The following PLCG2 variants were observed in gnomAD, a reference collection of about 807,000 sequenced individuals.
The protein encoded by PLCG2 is phospholipase C gamma 2, also known as 1-phosphatidylinositol 4,5-bisphosphate phosphodiesterase gamma-2.
In PLCG2, 69 loss-of-function variants were observed where a neutral mutation model predicts 175.6. The ratio of observed to expected loss-of-function variants is 0.39; its 90% confidence interval spans 0.32 to 0.48. The LOEUF (loss-of-function observed/expected upper bound fraction) is 0.48, where lower values mean the gene tolerates loss of function less well. Ranked by LOEUF, PLCG2 falls within the 20% of genes least tolerant of loss-of-function variation. The pLI is 0.91. For synonymous variants in PLCG2, 827 were observed against 624.0 expected, an observed-to-expected ratio of 1.33 and a Z score of -4.85; for missense variants, 1,798 against 1,650.9, an observed-to-expected ratio of 1.09 and a Z score of -1.54.
At chr16:81,935,873 C>A in intron 26 of PLCG2, 1 of 985,174 alleles carries the variant, frequency 1.0e-6, no homozygotes, top group Non-Finnish European at 1.2e-6. Context: ...ATAACTGTAC[C>A]ACTTTTGTGT....
chr16:81,921,391 A>ATT (rs748353318), intron 21 of PLCG2, 122 bp downstream of exon 21: 886 of 616,208 alleles, frequency 1.4e-3, no homozygotes, highest in East Asian at 2.8e-3. Flanking sequence ...GGCCAAAATA[A>ATT]TTTTTTTTTT....
chr16:81,850,852 T>A lies in PLCG2; in HGVS notation c.194-3592T>A, dbSNP rs1411785141. Among the ~76,000 whole-genome samples the A allele has an allele frequency of 4.6e-5, 7 of 152,206 alleles. No individual in the cohort carries two copies. In the East Asian group the frequency reaches 1.3e-3, roughly 29 times the overall value. ...GGTGGAGGACTGGTCATTCTTCAGA[T>A]CTCCTGCACATGCGGGCAATAGGGT... On this transcript the variant is annotated intron_variant, in intron 2 of 32. Coordinates refer to ENST00000564138, the MANE Select transcript of PLCG2 (RefSeq NM_002661.5).
intron 2 of PLCG2, among the ~76,000 whole-genome samples, chr16:81,846,256 C>T (rs1215859481): frequency 6.6e-6 from 1 of 152,132 alleles, no homozygotes; most frequent in Non-Finnish European, 1.5e-5. Flanking sequence ...TCCCTTCCTT[C>T]AGGAGGACCT....
At chr16:81,873,794 AG>A (rs1459858798) in intron 7 of PLCG2, among the ~76,000 whole-genome samples, 1 of 152,210 alleles carries the variant, frequency 6.6e-6, no homozygotes, top group South Asian at 2.1e-4. Flanking sequence ...AATTAAAAAA[AG>A]AAGATTTGCA....
At chr16:81,827,397 C>G (rs558338285) in intron 2 of PLCG2, among the ~76,000 whole-genome samples, 2 of 151,890 alleles carry the variant, frequency 1.3e-5, no homozygotes, top group African/African-American at 4.8e-5. Flanking sequence ...CCATGTTTCC[C>G]AGGCTGATCT....
At chr16:81,781,803 T>C (rs1910743685) in intron 1 of PLCG2, among the ~76,000 whole-genome samples, 2 of 152,178 alleles carry the variant, frequency 1.3e-5, no homozygotes, top group Non-Finnish European at 2.9e-5. Flanking sequence ...CACAGAGCAC[T>C]GAAGAGACAA....
At position 81,784,221 on chromosome 16, in the gene PLCG2, CCATTCCCCT is replaced by C. The variant is rs1910869932; in HGVS notation, c.-47-1717_-47-1709del. On this transcript the variant is annotated intron_variant, in intron 1 of 32. Coordinates refer to ENST00000564138, the MANE Select transcript of PLCG2 (RefSeq NM_002661.5). ...CAAAGGGCAAATCCTGGGCCCCTCC[CCATTCCCCT>C]CATTTGCATCCTAGTCCCCACCTCA... Among the ~76,000 whole-genome samples, 6 of 152,288 alleles carry C rather than the reference CCATTCCCCT, an allele frequency of 3.9e-5. No homozygotes were observed. In the South Asian group the frequency reaches 8.3e-4, roughly 21 times the overall value.
chr16:81,844,918 A>G (rs1321888593), intron 2 of PLCG2, among the ~76,000 whole-genome samples: 1 of 152,126 alleles, frequency 6.6e-6, no homozygotes, highest in African/African-American at 2.4e-5. Flanking sequence ...CAGCAAATAA[A>G]TTGAGACACC....
intron 3 of PLCG2, among the ~76,000 whole-genome samples, chr16:81,857,771 A>C (rs1567501502): frequency 2.0e-5 from 3 of 152,196 alleles, no homozygotes; most frequent in Admixed American, 1.3e-4. Context: ...AAGGAATGCA[A>C]ATATTCAGTC....
intron 2 of PLCG2, among the ~76,000 whole-genome samples, chr16:81,838,898 G>T (rs1339966378): frequency 2.0e-5 from 3 of 151,502 alleles, no homozygotes; most frequent in Non-Finnish European, 4.4e-5. Context: ...CCATTCCTCG[G>T]GTCCCGGTGA....
chr16:81,785,711 T>G (rs773629484), intron 1 of PLCG2: 1 of 307,928 alleles, frequency 3.2e-6, no homozygotes, highest in African/African-American at 2.2e-5. Flanking sequence ...AAAGCCCACG[T>G]AACGGTTGGG....
intron 10 of PLCG2, among the ~76,000 whole-genome samples, chr16:81,890,569 T>A (rs758176551): frequency 6.6e-6 from 1 of 152,132 alleles, no homozygotes; most frequent in East Asian, 1.9e-4. Flanking sequence ...CCAGGGAGAG[T>A]TGAACCATTG....
intron 2 of PLCG2, among the ~76,000 whole-genome samples, chr16:81,836,720 A>G (rs1905536967): frequency 6.6e-6 from 1 of 152,208 alleles, no homozygotes; most frequent in Non-Finnish European, 1.5e-5. Context: ...AACCTCAGCA[A>G]CAGAGCAACA....
intron 17 of PLCG2, 90 bp from the exon 18 acceptor site, chr16:81,910,430 C>T: frequency 2.7e-6 from 3 of 1,131,488 alleles, no homozygotes; most frequent in Non-Finnish European, 2.6e-6. Flanking sequence ...GGTTGTGTGG[C>T]CACATGTAAT....
exon 1 of PLCG2, chr16:81,739,153 AT>A: frequency 6.6e-6 from 1 of 151,496 alleles, no homozygotes; most frequent in Non-Finnish European, 1.5e-5. Flanking sequence ...GGCAGGGGGG[AT>A]TTTTGTTCTC....
chr16:81,889,861 G>C (rs1908549068), intron 10 of PLCG2, among the ~76,000 whole-genome samples: 1 of 152,064 alleles, frequency 6.6e-6, no homozygotes, highest in Non-Finnish European at 1.5e-5. Flanking sequence ...TCACTATGTT[G>C]GCCAGGCTGG....
At chr16:81,887,959 A>G (rs931338475) in intron 9 of PLCG2, among the ~76,000 whole-genome samples, 16 of 152,214 alleles carry the variant, frequency 1.1e-4, no homozygotes, top group African/African-American at 3.9e-4. Flanking sequence ...TCAGTGTTTC[A>G]GCAGCCCTGT....
At chr16:81,777,144 T>C (rs1488577050), upstream of PLCG2, among the ~76,000 whole-genome samples, 2 of 152,110 alleles carry the variant, frequency 1.3e-5, no homozygotes, top group African/African-American at 2.4e-5. Context: ...GTTCTTCATG[T>C]TCTTATTTTT....
intron 2 of PLCG2, among the ~76,000 whole-genome samples, chr16:81,802,093 C>CTTTTTTTTCTT (rs1911748576): frequency 2.5e-5 from 1 of 40,012 alleles, no homozygotes; most frequent in Non-Finnish European, 4.4e-5. Context: ...TGAGTACAGT[C>CTTTTTTTTCTT]TTTTTTTTTT....
Sources: gnomAD v4.1 joint callset for allele counts (sites outside exome capture counted in the v4.1 genomes callset) on GRCh38, gnomAD v4.1.1 for gene constraint, MANE v1.5 for transcripts, NCBI Gene and HGNC (gene_info 2026-07-23, HGNC 2026-07-21) for gene names.